TENM3: variants seen among roughly 807,000 people sequenced by gnomAD.
TENM3 encodes teneurin transmembrane protein 3.
Under a neutral mutation model 255.1 loss-of-function variants are expected in TENM3, and 63 were observed. The observed-to-expected ratio is 0.25, with a 90% CI of 0.20 to 0.30. The LOEUF (loss-of-function observed/expected upper bound fraction) is 0.30. Ranked by LOEUF, TENM3 falls within the 10% of genes least tolerant of loss-of-function variation. The pLI is 1.00. For missense variants in TENM3, 2,929 were observed against 3,461.1 expected, an observed-to-expected ratio of 0.85 and a Z score of 3.86; for synonymous variants, 1,306 against 1,322.3, an observed-to-expected ratio of 0.99 and a Z score of 0.27.
chr4:182,350,726 C>T (rs988260285), intron 3 of TENM3, among the ~76,000 whole-genome samples: 1 of 152,146 alleles, frequency 6.6e-6, no homozygotes, highest in African/African-American at 2.4e-5. Flanking sequence ...GCTCTGTCGC[C>T]CAGGCTGGAG....
chr4:182,333,100 C>T (rs1317821608), intron 2 of TENM3, among the ~76,000 whole-genome samples: 1 of 152,130 alleles, frequency 6.6e-6, no homozygotes, highest in Non-Finnish European at 1.5e-5. Flanking sequence ...CAGATATGTT[C>T]CTAGGTACAT....
the TENM3 span, among the ~76,000 whole-genome samples, chr4:181,484,749 C>T: frequency 6.6e-6 from 1 of 151,906 alleles, no homozygotes; most frequent in Non-Finnish European, 1.5e-5. Context: ...TTACATGTAG[C>T]CTAACAGATG....
At chr4:182,388,564 C>A (rs953829419) in intron 3 of TENM3, among the ~76,000 whole-genome samples, 1 of 152,138 alleles carries the variant, frequency 6.6e-6, no homozygotes, top group African/African-American at 2.4e-5. Context: ...AGCAACTTTT[C>A]CTTGTTCTCT....
At chr4:182,062,731 C>T in the TENM3 span, among the ~76,000 whole-genome samples, 1 of 152,172 alleles carries the variant, frequency 6.6e-6, no homozygotes, top group East Asian at 1.9e-4. Context: ...ACACTTTGGA[C>T]TCCAAGTGGT....
intron 3 of TENM3, among the ~76,000 whole-genome samples, chr4:182,564,555 TG>T (rs1191376929): frequency 6.7e-6 from 1 of 148,620 alleles, no homozygotes; most frequent in Non-Finnish European, 1.5e-5. Flanking sequence ...TGTTTTCGTT[TG>T]TTTTTTTGTT....
chr4:181,604,278 AAAAG>A, the TENM3 span, among the ~76,000 whole-genome samples: 1 of 152,194 alleles, frequency 6.6e-6, no homozygotes, highest in African/African-American at 2.4e-5. Context: ...AAAAGAAAAG[AAAAG>A]AAAGAAAAAG....
intron 3 of TENM3, among the ~76,000 whole-genome samples, chr4:182,559,988 C>T (rs1014370598): frequency 6.6e-6 from 1 of 151,732 alleles, no homozygotes; most frequent in African/African-American, 2.4e-5. Context: ...TGATTTATTA[C>T]ACATTGTATC....
chr4:182,130,281 G>C, the TENM3 span, among the ~76,000 whole-genome samples: 1 of 152,088 alleles, frequency 6.6e-6, no homozygotes, highest in African/African-American at 2.4e-5. Context: ...AATTTGTATA[G>C]GTGAACGTGA....
the TENM3 span, among the ~76,000 whole-genome samples, chr4:181,554,754 T>G: frequency 6.6e-6 from 1 of 152,224 alleles, no homozygotes; most frequent in Non-Finnish European, 1.5e-5. Context: ...CATACTGAAG[T>G]TGACAACCTG....
rs749690518 is a variant in TENM3, at chr4:182,775,126, A to T, written c.5277A>T (p.Lys1759Asn). ...WRFRKEQAQGKVNVFGRKLRV... is the reference protein window; with the variant it reads ...WRFRKEQAQGNVNVFGRKLRV... ...TCCGAAAAGAGCAAGCCCAAGGGAA[A>T]GTCAATGTCTTTGGCCGCAAGCTCA... is the stretch of plus-strand genomic sequence containing the variant. The change falls in exon 24 of 28, where the codon AAA becomes AAT. Residue 1759 changes from lysine to asparagine, a missense_variant. Around this residue, in one of 6 missense-constraint regions of TENM3, gnomAD observed 303 missense variants for 425.2 expected, o/e 0.71. Transcript: ENST00000511685. The T allele has an allele frequency of 6.2e-7, 1 of 1,614,042 alleles. No individual in the cohort carries two copies. The highest frequency in any genetic ancestry group is 8.5e-7 in the Non-Finnish European group (1 of 1,179,906).
At chr4:181,763,333 AG>A in the TENM3 span, among the ~76,000 whole-genome samples, 2 of 152,176 alleles carry the variant, frequency 1.3e-5, no homozygotes, top group Non-Finnish European at 1.5e-5. Context: ...CTTTGTCTTC[AG>A]TACAATTAGC....
chr4:181,807,114 G>A, the TENM3 span, among the ~76,000 whole-genome samples: 1 of 152,026 alleles, frequency 6.6e-6, no homozygotes. Flanking sequence ...ATTCTACCAT[G>A]GCATCTGTTC....
chr4:182,553,970 G>T (rs1742335053), intron 3 of TENM3, among the ~76,000 whole-genome samples: 1 of 152,122 alleles, frequency 6.6e-6, no homozygotes, highest in Non-Finnish European at 1.5e-5. Context: ...CTAGTATTCA[G>T]TAATATACTT....
rs566474787 is a variant in TENM3, at chr4:182,282,899, A to G, written c.-76+39423A>G. Among the ~76,000 whole-genome samples the G allele has an allele frequency of 9.9e-3, 1,504 of 151,450 alleles. 4 individuals carry two copies. The highest frequency in any genetic ancestry group is 0.015 in the Non-Finnish European group (1,005 of 67,844). ...CAGAGTGAGACTCCATTTCAGAAAA[A>G]AAAAAAAAAAAAAAAAATTTATAGT... On this transcript the variant is annotated intron_variant, in intron 1 of 27. Coordinates refer to ENST00000511685, the MANE Select transcript of TENM3 (RefSeq NM_001080477.4).
chr4:181,774,285 C>T, the TENM3 span, among the ~76,000 whole-genome samples: 3 of 27,266 alleles, frequency 1.1e-4, no homozygotes, highest in African/African-American at 3.4e-4. Context: ...TTTGTTCTTG[C>T]GATAGTTTAC....
chr4:182,586,070 A>G (rs1178659685), intron 3 of TENM3, among the ~76,000 whole-genome samples: 2 of 152,216 alleles, frequency 1.3e-5, no homozygotes, highest in South Asian at 2.1e-4. Context: ...GTGGGGCAAT[A>G]TAGCAAGACC....
At chr4:181,879,264 C>T in the TENM3 span, among the ~76,000 whole-genome samples, 2 of 150,062 alleles carry the variant, frequency 1.3e-5, no homozygotes, top group African/African-American at 4.9e-5. Flanking sequence ...TCATTACAGG[C>T]AAAAAGAAAG....
At chr4:181,635,928 G>T in the TENM3 span, among the ~76,000 whole-genome samples, 19 of 152,268 alleles carry the variant, frequency 1.2e-4, no homozygotes, top group Admixed American at 2.6e-4. Context: ...AAATTACATC[G>T]TGGGCTCCCT....
intron 3 of TENM3, among the ~76,000 whole-genome samples, chr4:182,577,139 A>T (rs1745006762): frequency 6.6e-6 from 1 of 152,210 alleles, no homozygotes; most frequent in Non-Finnish European, 1.5e-5. Flanking sequence ...CAACTAAAGC[A>T]TTAGCTTATC....
Sources: gnomAD v4.1 joint callset for allele counts (sites outside exome capture counted in the v4.1 genomes callset) on GRCh38, gnomAD v4.1.1 for gene constraint, gnomAD v4.1.1 regional missense constraint, MANE v1.5 for transcripts, NCBI Gene and HGNC (gene_info 2026-07-23, HGNC 2026-07-21) for gene names.